The following LMO7 variants were observed in gnomAD, a reference collection of about 807,000 sequenced individuals.
The protein encoded by LMO7 is LIM domain only protein 7.
In LMO7, 120 loss-of-function variants were observed where a neutral mutation model predicts 206.5. The observed-to-expected ratio is 0.58, with a 90% CI of 0.50 to 0.68. The LOEUF is 0.68. LMO7 is among the 30% of genes least tolerant of loss of function. The pLI, the probability that LMO7 is intolerant of heterozygous loss-of-function variation, is 0.00. For missense variants in LMO7, 1,959 were observed against 1,957.9 expected (o/e 1.00, Z -0.01); for synonymous variants, 706 against 681.5 (o/e 1.04, Z -0.56).
At chr13:75,833,021 G>T in intron 15 of LMO7, 30 bp from the exon 16 acceptor site, 1 of 1,287,352 alleles carries the variant, frequency 7.8e-7, no homozygotes, top group Non-Finnish European at 1.1e-6. Flanking sequence ...CAGGGACACC[G>T]GATACCAGCG....
chr13:75,797,738 G>A (rs1238732436), intron 6 of LMO7, among the ~76,000 whole-genome samples: 1 of 152,208 alleles, frequency 6.6e-6, no homozygotes, highest in East Asian at 1.9e-4. Context: ...CCAGCCACAT[G>A]TATTATAGCA....
In LMO7 at chr13:75,776,184, T is replaced by TATCGG. The variant is rs1555317351; in HGVS notation, c.317+15148_317+15149insCGGAT. Among the ~76,000 whole-genome samples the TATCGG allele has an allele frequency of 1.5e-3, 130 of 88,458 alleles. 6 individuals carry two copies. The highest frequency in any genetic ancestry group is 2.8e-3 in the Non-Finnish European group (112 of 39,440). The allele number at this position is 88,458 out of a possible 152,430, so 58.0% of individuals were successfully genotyped here. On this transcript the variant is annotated intron_variant, in intron 4 of 30. Coordinates refer to ENST00000377534, the MANE Select transcript of LMO7 (RefSeq NM_001306080.2). ...TCGGATATATATATATATATATATA[T>TATCGG]ATATATATATATATATATATAACGT...
rs116583393 is a variant in LMO7 at position 75,812,568 on chromosome 13, A to G, written c.1946+3385A>G. On this transcript the variant is annotated intron_variant, in intron 11 of 30. Coordinates refer to ENST00000377534, the MANE Select transcript of LMO7 (RefSeq NM_001306080.2). ...TAGATAGTCACCTATAAAGTTCCTG[A>G]AAGTGAGTTCTAAAAGGAAATGCCT... is the stretch of plus-strand genomic sequence containing the variant. 2.5e-3 allele frequency among the ~76,000 whole-genome samples: 385 copies of G among 152,252 alleles called. 2 individuals carry two copies. The highest frequency in any genetic ancestry group is 8.9e-3 in the African/African-American group (369 of 41,566).
chr13:75,776,111 AT>A, intron 4 of LMO7, among the ~76,000 whole-genome samples: 1 of 86,198 alleles, frequency 1.2e-5, no homozygotes, highest in South Asian at 4.8e-4. Context: ...ATATATATAT[AT>A]ACATACATAC....
At chr13:75,629,016 G>A (rs768758319) in intron 2 of LMO7, among the ~76,000 whole-genome samples, 7 of 152,230 alleles carry the variant, frequency 4.6e-5, no homozygotes, top group Non-Finnish European at 8.8e-5. Context: ...GTCTGGCGGT[G>A]TCTGGAAACG....
chr13:75,834,465 C>A, intron 17 of LMO7, 78 bp downstream of exon 17: 1 of 1,100,058 alleles, frequency 9.1e-7, no homozygotes, highest in Non-Finnish European at 1.3e-6. Flanking sequence ...CAATTTGCTT[C>A]AATAACTTTT....
At chr13:75,806,268 C>T (rs766261226) in intron 9 of LMO7, 3 of 989,212 alleles carry the variant, frequency 3.0e-6, no homozygotes, top group Non-Finnish European at 3.6e-6. Flanking sequence ...CCAGGTGCCC[C>T]TGTCTGCATG....
chr13:75,626,897 A>C (rs1176593477), intron 2 of LMO7: 2 of 151,896 alleles, frequency 1.3e-5, no homozygotes, highest in Non-Finnish European at 2.9e-5. Flanking sequence ...ATATATTTTT[A>C]AGTGTACGAT....
Position 75,841,705 on chromosome 13 carries a change from G to C in LMO7, c.3753G>C (p.Trp1251Cys). Residue 1251 changes from tryptophan to cysteine, a missense_variant, in exon 24 of 31, where the codon TGG becomes TGC. Coordinates refer to ENST00000377534, the MANE Select transcript of LMO7 (RefSeq NM_001306080.2). The stretch of plus-strand genomic sequence containing the variant: ...CTCTTGCCACCTGGGAAGCTACCTG[G>C]AGTGAAGGGTCCAAGTCTTCAGACA... ...EPSLATWEAT[W>C]SEGSKSSDRE... 5.6e-6 allele frequency: 9 copies of C among 1,614,094 alleles called. No homozygotes were observed. The highest frequency in any genetic ancestry group is 7.6e-6 in the Non-Finnish European group (9 of 1,180,006).
rs75729161 is a variant in LMO7, at chr13:75,796,701, T to C, written c.414T>C (p.His138=). ...GCAACCCGTACTATAATGGTCCCCA[T>C]CTTAATTTGAAAGCGTTTGAGAATC... ...AQSNPYYNGP[H]LNLKAFENLL... The change falls in exon 6 of 31, where the codon CAT becomes CAC. Residue 138 remains histidine, a synonymous_variant. Coordinates refer to ENST00000377534, the MANE Select transcript of LMO7 (RefSeq NM_001306080.2). The C allele has an allele frequency of 2.4e-3, 3,908 of 1,613,736 alleles. 58 individuals are homozygous for C. In the African/African-American group the frequency reaches 0.033, roughly 14 times the overall value.
chr13:75,624,408 C>A (rs1359325509), intron 2 of LMO7, among the ~76,000 whole-genome samples: 1 of 152,162 alleles, frequency 6.6e-6, no homozygotes, highest in Non-Finnish European at 1.5e-5. Context: ...GAGAGAGCAC[C>A]TTTCATAAAA....
chr13:75,834,277 T>G lies in LMO7; in HGVS notation c.3116T>G (p.Ile1039Ser). ...QLQVDDEIIAINNTKFSYNDS... is the reference protein window; with the variant it reads ...QLQVDDEIIASNNTKFSYNDS... ...CAAGTAGATGATGAAATTATTGCTA[T>G]TAACAACACCAAGTTTTCATATAAC... is the stretch of plus-strand genomic sequence containing the variant. Residue 1039 changes from isoleucine to serine, a missense_variant, in exon 17 of 31, where the codon ATT becomes AGT. Transcript: ENST00000377534. 2 of 1,611,086 alleles carry G rather than the reference T, an allele frequency of 1.2e-6. No homozygotes were observed. The highest frequency in any genetic ancestry group is 8.5e-7 in the Non-Finnish European group (1 of 1,178,528).
intron 4 of LMO7, chr13:75,789,065 C>T (rs929101603): frequency 2.0e-5 from 3 of 152,204 alleles, no homozygotes; most frequent in African/African-American, 7.3e-5. Context: ...GAGGCATGGG[C>T]TGGAAGCTGG....
intron 26 of LMO7, among the ~76,000 whole-genome samples, chr13:75,848,429 G>GGTC (rs2060168054): frequency 1.8e-5 from 1 of 56,136 alleles, no homozygotes; most frequent in African/African-American, 5.9e-5. Context: ...TATTCCATGC[G>GGTC]ATTATCTATC....
chr13:75,691,319 G>A (rs9565184), intron 1 of LMO7, among the ~76,000 whole-genome samples: 1 of 152,172 alleles, frequency 6.6e-6, no homozygotes, highest in African/African-American at 2.4e-5. Flanking sequence ...AGTAGAGGAT[G>A]TTTGTTCAGT....
chr13:75,738,804 G>A (rs1041464246), intron 3 of LMO7, among the ~76,000 whole-genome samples: 8 of 152,190 alleles, frequency 5.3e-5, no homozygotes, highest in African/African-American at 1.9e-4. Context: ...TTTACCATCT[G>A]ATATGTTAGT....
At position 75,834,218 on chromosome 13, in the gene LMO7, AT is replaced by A. The variant is rs1410263455; in HGVS notation, c.3065-3del. 7 of 1,565,084 alleles carry A rather than the reference AT, an allele frequency of 4.5e-6. No individual in the cohort carries two copies. The highest frequency in any genetic ancestry group is 4.3e-6 in the Non-Finnish European group (5 of 1,154,742). ...TCCCCAATTGGTTAATTTATTTTGCATTTTTAGGTAGCCCAGCAGAATTTTC... is the reference window on the plus strand; with the variant it reads ...TCCCCAATTGGTTAATTTATTTTGCATTTTAGGTAGCCCAGCAGAATTTTC... On this transcript the variant is annotated splice_region_variant and splice_polypyrimidine_tract_variant and intron_variant, in intron 16 of 30. Coordinates refer to ENST00000377534, the MANE Select transcript of LMO7 (RefSeq NM_001306080.2).
At chr13:75,835,687 C>T (rs9573667) in intron 18 of LMO7, among the ~76,000 whole-genome samples, 15,823 of 152,072 alleles carry the variant, frequency 0.1, 964 homozygotes, top group Middle Eastern at 0.18. Context: ...CTTCTTTATG[C>T]GTTCCTTAGT....
intron 22 of LMO7, 99 bp from the exon 23 acceptor site, chr13:75,841,010 T>C (rs2059519548): frequency 1.4e-6 from 1 of 722,260 alleles, no homozygotes; most frequent in Non-Finnish European, 2.3e-6. Flanking sequence ...TTTAAAGGTT[T>C]GAGGTTGAAG....
Sources: allele counts gnomAD v4.1 joint callset (sites outside exome capture counted in the v4.1 genomes callset), GRCh38; gene constraint gnomAD v4.1.1; transcripts MANE v1.5; gene names NCBI Gene and HGNC (gene_info 2026-07-23, HGNC 2026-07-21).